The following CKMT1B variants were observed in gnomAD, a reference collection of about 807,000 sequenced individuals.
CKMT1B encodes creatine kinase U-type, mitochondrial.
Under a neutral mutation model 21.8 loss-of-function variants are expected in CKMT1B, and 13 were observed. The ratio of observed to expected loss-of-function variants is 0.60; its 90% confidence interval spans 0.39 to 0.95. The LOEUF (loss-of-function observed/expected upper bound fraction) is 0.95, where lower values mean the gene tolerates loss of function less well. Ranked by LOEUF, CKMT1B falls within the 40% of genes least tolerant of loss-of-function variation. CKMT1B has a pLI of 0.00. For synonymous variants in CKMT1B, 50 were observed against 80.3 expected (o/e 0.62, Z 2.02); for missense variants, 157 against 227.5 (o/e 0.69, Z 1.99).
In CKMT1B at chr15:43,598,135, G is replaced by A. The variant is rs1595953650; in HGVS notation, c.877-58G>A. ...GTTCTTGTGGGTCTAGCTAAGGGAGGGTCCAGGGTTAATGAAATATCCCTG... is the reference window on the plus strand; with the variant it reads ...GTTCTTGTGGGTCTAGCTAAGGGAGAGTCCAGGGTTAATGAAATATCCCTG... On this transcript the variant is annotated intron_variant, in intron 6 of 8. Coordinates refer to ENST00000441322, the MANE Select transcript of CKMT1B (RefSeq NM_001375484.1). 9.4e-6 allele frequency: 15 copies of A among 1,602,214 alleles called. No homozygotes were observed. In the East Asian group the frequency reaches 2.8e-4, roughly 30 times the overall value.
chr15:43,599,077 T>A (rs2085636197), intron 8 of CKMT1B, 80 bp from the exon 9 acceptor site: 1 of 1,587,354 alleles, frequency 6.3e-7, no homozygotes, highest in African/African-American at 1.4e-5. Context: ...GGGAGGCAAT[T>A]GGAAATGAGC....
rs2085635958 is a variant in CKMT1B, at chr15:43,599,071, G to A, written c.1138-86G>A. 3.2e-6 allele frequency: 5 copies of A among 1,581,898 alleles called. 1 individual carries two copies. In the South Asian group the frequency reaches 4.6e-5, roughly 15 times the overall value. On this transcript the variant is annotated intron_variant, in intron 8 of 8. Transcript: ENST00000441322. ...AAATGAAATTCAGGTTGAGTGGGGA[G>A]GCAATTGGAAATGAGCAGGCAAGTC...
At chr15:43,598,170 T>C (rs1201768211) in intron 6 of CKMT1B, 23 bp from the exon 7 acceptor site, 1 of 1,608,944 alleles carries the variant, frequency 6.2e-7, no homozygotes, top group Non-Finnish European at 8.5e-7. Flanking sequence ...GATTTTTCGT[T>C]AACAAAACCT....
intron 7 of CKMT1B, among the ~76,000 whole-genome samples, chr15:43,598,590 A>G (rs2085619920): frequency 1.3e-5 from 2 of 148,480 alleles, no homozygotes; most frequent in African/African-American, 5.2e-5. Flanking sequence ...AGCTGGGTGT[A>G]GTGGAGGCTG....
chr15:43,598,064 T>C, intron 6 of CKMT1B, 129 bp from the exon 7 acceptor site: 2 of 1,479,380 alleles, frequency 1.4e-6, no homozygotes, highest in Non-Finnish European at 1.8e-6. Flanking sequence ...AAAAGACCAA[T>C]GTCATTCATT....
intron 6 of CKMT1B, 92 bp downstream of exon 6, chr15:43,596,623 C>T (rs2085573690): frequency 6.3e-7 from 1 of 1,583,316 alleles, no homozygotes; most frequent in African/African-American, 1.4e-5. Flanking sequence ...CCAACCAACC[C>T]AGGACATGTC....
chr15:43,598,506 T>C (rs879209746), intron 7 of CKMT1B, among the ~76,000 whole-genome samples, 179 bp downstream of exon 7: 7 of 148,714 alleles, frequency 4.7e-5, no homozygotes, highest in South Asian at 2.1e-4. Context: ...GCAGGCAGAT[T>C]ACTTGAGCCC....
chr15:43,597,651 C>T (rs1246324618), intron 6 of CKMT1B: 9 of 905,306 alleles, frequency 9.9e-6, no homozygotes, highest in Non-Finnish European at 1.3e-5. Context: ...TAAGTGAAGC[C>T]AAACGCCTTC....
intron 6 of CKMT1B, 28 bp downstream of exon 6, chr15:43,596,559 G>T: frequency 6.2e-7 from 1 of 1,607,954 alleles, no homozygotes; most frequent in Non-Finnish European, 8.5e-7. Context: ...AGGGGAGCTA[G>T]GTGGGAGGAC....
Position 43,599,312 on chromosome 15 carries a change from T to C in CKMT1B, c.*39T>C, listed in dbSNP as rs1263687959. 1.2e-6 allele frequency: 2 copies of C among 1,613,148 alleles called. No individual in the cohort carries two copies. Among genetic ancestry groups the C allele is most frequent in the Admixed American group, 3.3e-5 (2 of 59,932 alleles). On this transcript the variant is annotated 3_prime_UTR_variant, in exon 9 of 9. Coordinates refer to ENST00000441322, the MANE Select transcript of CKMT1B (RefSeq NM_001375484.1). Reference sequence around the variant, plus strand: ...GCTGATGACTCAAGATTCCCAGGAGTTCTGCTCATTCTAATGATGGCCCAT... The same window carrying C: ...GCTGATGACTCAAGATTCCCAGGAGCTCTGCTCATTCTAATGATGGCCCAT...
At chr15:43,596,347 T>A (rs1310867128) in intron 5 of CKMT1B, 55 bp downstream of exon 5, 2 of 1,362,930 alleles carry the variant, frequency 1.5e-6, no homozygotes, top group Admixed American at 4.3e-5. Flanking sequence ...ATGCTTTTTT[T>A]CCCTCTATCT....
chr15:43,596,418 G>A lies in CKMT1B; in HGVS notation c.763G>A (p.Glu255Lys). 6.3e-7 allele frequency: 1 copy of A among 1,581,572 alleles called. No individual in the cohort carries two copies. The highest frequency in any genetic ancestry group is 8.6e-7 in the Non-Finnish European group (1 of 1,166,306). ...PDARGIWHNN[E>K]KSFLIWVNEE... ...CTCTCCGGCCCTCAGGCACAACAAT[G>A]AGAAGAGCTTCCTGATCTGGGTGAA... Residue 255 changes from glutamate (E) to lysine (K), a missense_variant, in exon 6 of 9, where the codon GAG (glutamate) becomes AAG (lysine). Transcript: ENST00000441322.
In CKMT1B at chr15:43,596,576, A is replaced by T. The variant is rs189827985; in HGVS notation, c.876+45A>T. ...GGGAGCTAGGTGGGAGGACATAAGG[A>T]AAACCAAAGAGTAGCATAAATAGAT... On this transcript the variant is annotated intron_variant, in intron 6 of 8. Coordinates refer to ENST00000441322, the MANE Select transcript of CKMT1B (RefSeq NM_001375484.1). 6.4e-5 allele frequency: 103 copies of T among 1,607,478 alleles called. 1 individual carries two copies. Among genetic ancestry groups the T allele is most frequent in the Admixed American group, 2.0e-4 (12 of 59,828 alleles).
intron 5 of CKMT1B, 36 bp from the exon 6 acceptor site, chr15:43,596,372 C>T (rs1485059719): frequency 2.0e-6 from 3 of 1,498,546 alleles, no homozygotes; most frequent in South Asian, 1.2e-5. Context: ...CAATTCTTGC[C>T]TTGCCTCTTG....
At chr15:43,597,791 A>C (rs576602344) in intron 6 of CKMT1B, 2 of 1,036,770 alleles carry the variant, frequency 1.9e-6, no homozygotes, top group Admixed American at 4.7e-5. Context: ...TTACACCTTC[A>C]TCTTCTGTCT....
At chr15:43,596,579 A>G in intron 6 of CKMT1B, 48 bp downstream of exon 6, 2 of 1,607,004 alleles carry the variant, frequency 1.2e-6, no homozygotes, top group Non-Finnish European at 1.7e-6. Flanking sequence ...CATAAGGAAA[A>G]CCAAAGAGTA....
intron 6 of CKMT1B, among the ~76,000 whole-genome samples, chr15:43,596,927 A>G (rs2085579519): frequency 1.3e-5 from 2 of 148,448 alleles, no homozygotes; most frequent in East Asian, 4.2e-4. Context: ...TGACTCTAAT[A>G]TAACCACCCA....
At chr15:43,597,516 G>C (rs144248819) in intron 6 of CKMT1B, 6 of 1,236,694 alleles carry the variant, frequency 4.9e-6, no homozygotes, top group Non-Finnish European at 3.1e-6. Context: ...ATCCCCTATG[G>C]CATGGTTCCT....
chr15:43,597,253 A>G, intron 6 of CKMT1B: 1 of 326,698 alleles, frequency 3.1e-6, no homozygotes, highest in South Asian at 3.2e-5. Context: ...AGAAGTTTCT[A>G]CTATTTTTGG....
Sources: allele counts gnomAD v4.1 joint callset (sites outside exome capture counted in the v4.1 genomes callset), GRCh38; gene constraint gnomAD v4.1.1; transcripts MANE v1.5; gene names NCBI Gene and HGNC (gene_info 2026-07-23, HGNC 2026-07-21).